Variants in ARHGAP44 observed in about 807,000 individuals in gnomAD.
ARHGAP44 encodes Rho GTPase activating protein 44.
ARHGAP44 carries 43 observed loss-of-function variants against 106.8 expected under a neutral mutation model. That is an observed-to-expected ratio of 0.40 (90% CI 0.32 to 0.52). The LOEUF (loss-of-function observed/expected upper bound fraction) is 0.52, where lower values mean the gene tolerates loss of function less well. Ranked by LOEUF, ARHGAP44 falls within the 20% of genes least tolerant of loss-of-function variation. ARHGAP44 has a pLI of 0.48. For missense variants in ARHGAP44, 866 were observed against 1,050.5 expected, an observed-to-expected ratio of 0.82 and a Z score of 2.43; for synonymous variants, 439 against 410.3, an observed-to-expected ratio of 1.07 and a Z score of -0.85.
In ARHGAP44 at chr17:12,896,428, G is replaced by C; in HGVS notation, c.115G>C (p.Val39Leu). ...GCAGGTGGAGAAGCGTCTGGAGCTG[G>C]TGAAACAGGTGTCCCACAGCACGCA... is the stretch of plus-strand genomic sequence containing the variant. ...LLQVEKRLEL[V>L]KQVSHSTHKK... Residue 39 changes from valine to leucine, a missense_variant, in exon 3 of 21, where the codon GTG (valine) becomes CTG (leucine). By Grantham distance (32) the Val-to-Leu change is conservative. Coordinates refer to ENST00000379672, the MANE Select transcript of ARHGAP44 (RefSeq NM_014859.6). The C allele has an allele frequency of 6.2e-7, 1 of 1,605,458 alleles. No homozygotes were observed. Among genetic ancestry groups the C allele is most frequent in the East Asian group, 2.2e-5 (1 of 44,482 alleles).
At chr17:12,929,209 C>G in intron 7 of ARHGAP44, 163 bp downstream of exon 7, 1 of 578,112 alleles carries the variant, frequency 1.7e-6, no homozygotes, top group East Asian at 3.1e-5. Flanking sequence ...CCAGGATGAA[C>G]CCAAGGAGTT....
chr17:12,790,448 G>A (rs1002436947), intron 1 of ARHGAP44: 1 of 153,236 alleles, frequency 6.5e-6, no homozygotes, highest in Non-Finnish European at 1.5e-5. Flanking sequence ...GGCGTTTGGT[G>A]GGGGGAAAGG....
At chr17:12,847,030 A>T (rs1380365567) in intron 1 of ARHGAP44, among the ~76,000 whole-genome samples, 2 of 152,218 alleles carry the variant, frequency 1.3e-5, no homozygotes, top group African/African-American at 4.8e-5. Context: ...AGCTTGGGTT[A>T]ACTGTGTTTC....
At chr17:12,943,878 G>A (rs566975423) in intron 9 of ARHGAP44, among the ~76,000 whole-genome samples, 191 bp from the exon 10 acceptor site, 6 of 152,212 alleles carry the variant, frequency 3.9e-5, no homozygotes, top group South Asian at 2.1e-4. Flanking sequence ...GGCCCTGGAC[G>A]CAATTGGCTG....
intron 1 of ARHGAP44, among the ~76,000 whole-genome samples, chr17:12,820,517 G>C (rs1239554305): frequency 6.6e-6 from 1 of 152,122 alleles, no homozygotes; most frequent in African/African-American, 2.4e-5. Flanking sequence ...TTGATAAGCT[G>C]TTGTGGTGTC....
intron 1 of ARHGAP44, among the ~76,000 whole-genome samples, chr17:12,847,601 C>T (rs1017502087): frequency 1.3e-5 from 2 of 151,198 alleles, no homozygotes; most frequent in Non-Finnish European, 2.9e-5. Flanking sequence ...GCAAGCTCCG[C>T]CTCCTGGGTT....
At chr17:12,916,110 A>G in intron 5 of ARHGAP44, 99 bp downstream of exon 5, 1 of 922,824 alleles carries the variant, frequency 1.1e-6, no homozygotes, top group Non-Finnish European at 1.7e-6. Context: ...CTTTCCCTTA[A>G]CCTTCTCCCC....
chr17:12,849,263 A>T (rs1212972668), intron 1 of ARHGAP44, among the ~76,000 whole-genome samples: 1 of 151,824 alleles, frequency 6.6e-6, no homozygotes, highest in Non-Finnish European at 1.5e-5. Context: ...CATATTCTGT[A>T]TAAGGCTGTT....
Position 12,877,632 on chromosome 17 carries a change from C to T in ARHGAP44, c.54-17308C>T, listed in dbSNP as rs2036596622. On this transcript the variant is annotated intron_variant, in intron 1 of 20. Transcript: ENST00000379672. ...GGGCGAGGTGGCGGGCGTCTGTAGTCCCAGCTACTCGGGAGGCTGAGGCAG... is the reference window on the plus strand; with the variant it reads ...GGGCGAGGTGGCGGGCGTCTGTAGTTCCAGCTACTCGGGAGGCTGAGGCAG... 2.6e-5 allele frequency among the ~76,000 whole-genome samples: 4 copies of T among 152,104 alleles called. No individual in the cohort carries two copies. In the South Asian group the frequency reaches 6.2e-4, roughly 24 times the overall value.
intron 7 of ARHGAP44, among the ~76,000 whole-genome samples, chr17:12,937,328 G>A (rs933636663): frequency 6.6e-6 from 1 of 152,210 alleles, no homozygotes; most frequent in Non-Finnish European, 1.5e-5. Context: ...TCCTGGTGCT[G>A]AAAGCAGGAG....
chr17:12,926,469 ATATATAATAT>A (rs2038242867), intron 6 of ARHGAP44, among the ~76,000 whole-genome samples: 1 of 108,294 alleles, frequency 9.2e-6, no homozygotes, highest in African/African-American at 3.4e-5. Context: ...CATATATAAT[ATATATAATAT>A]ATATGTATGT....
intron 6 of ARHGAP44, among the ~76,000 whole-genome samples, chr17:12,926,449 A>AAT (rs917826132): frequency 8.3e-6 from 1 of 120,310 alleles, no homozygotes; most frequent in African/African-American, 2.9e-5. Flanking sequence ...GTATATACAT[A>AAT]ATATATATAC....
At chr17:12,984,405 TG>T in intron 19 of ARHGAP44, 125 bp from the exon 20 acceptor site, 3 of 960,194 alleles carry the variant, frequency 3.1e-6, no homozygotes, top group Non-Finnish European at 4.1e-6. Context: ...CAGGGAGGTG[TG>T]GGTGGGTGGC....
At position 12,984,449 on chromosome 17, in the gene ARHGAP44, T is replaced by C. The variant is rs2039907272; in HGVS notation, c.1940-82T>C. On this transcript the variant is annotated intron_variant, in intron 19 of 20. Transcript: ENST00000379672. The stretch of plus-strand genomic sequence containing the variant: ...AGGAGGTGGGGACAGCTTTGAACGC[T>C]GAAGGGTGTGTGAACAGGCCCCACA... 10 of 1,458,422 alleles carry C rather than the reference T, an allele frequency of 6.9e-6. 1 individual carries two copies. Among genetic ancestry groups the C allele is most frequent in the Admixed American group, 4.9e-5 (2 of 40,886 alleles). The allele number at this position is 1,458,422 out of a possible 1,614,324, so 90.3% of individuals were successfully genotyped here.
At chr17:12,953,525 G>T (rs2039050270) in intron 13 of ARHGAP44, among the ~76,000 whole-genome samples, 1 of 152,194 alleles carries the variant, frequency 6.6e-6, no homozygotes, top group South Asian at 2.1e-4. Flanking sequence ...CCACTTCTGG[G>T]TATGTACCTA....
intron 3 of ARHGAP44, among the ~76,000 whole-genome samples, chr17:12,904,473 C>T (rs2037488384): frequency 6.6e-6 from 1 of 152,228 alleles, no homozygotes; most frequent in African/African-American, 2.4e-5. Context: ...CTTACCCCCA[C>T]CTTGGAATCC....
Position 12,984,859 on chromosome 17 carries a change from G to A in ARHGAP44, c.2268G>A (p.Thr756=), listed in dbSNP as rs767200095. ...VNLSASSPQS[T]EAPMLDGMSP... ...TCTCGGCCTCTAGTCCACAGTCCAC[G>A]GAGGCCCCCATGCTAGATGGCATGT... Residue 756 remains threonine, a synonymous_variant, in exon 20 of 21, where the codon ACG becomes ACA. Transcript: ENST00000379672. 8 of 1,613,910 alleles carry A rather than the reference G, an allele frequency of 5.0e-6. No individual in the cohort carries two copies. The highest frequency in any genetic ancestry group is 3.3e-5 in the South Asian group (3 of 91,080).
At chr17:12,985,018 G>A (rs2039925500) in intron 20 of ARHGAP44, 110 bp downstream of exon 20, 4 of 1,394,162 alleles carry the variant, frequency 2.9e-6, no homozygotes, top group Non-Finnish European at 3.8e-6. Context: ...CGTGCTTTGG[G>A]ATGACTGGGC....
chr17:12,827,721 T>C (rs2034961939), intron 1 of ARHGAP44, among the ~76,000 whole-genome samples: 1 of 152,152 alleles, frequency 6.6e-6, no homozygotes, highest in African/African-American at 2.4e-5. Context: ...ATGCTATATT[T>C]TATAGTTGGG....
Sources: allele counts gnomAD v4.1 joint callset (sites outside exome capture counted in the v4.1 genomes callset), GRCh38; gene constraint gnomAD v4.1.1; transcripts MANE v1.5; gene names NCBI Gene and HGNC (gene_info 2026-07-23, HGNC 2026-07-21).